RPS6KA3: variants seen among roughly 807,000 people sequenced by gnomAD.
RPS6KA3 encodes ribosomal protein S6 kinase alpha-3.
A neutral mutation model predicts 67.2 loss-of-function variants in RPS6KA3; 4 were observed. The observed-to-expected ratio is 0.06, with a 90% CI of 0.03 to 0.14. The LOEUF (loss-of-function observed/expected upper bound fraction) is 0.14. RPS6KA3 is among the 10% of genes least tolerant of loss of function. RPS6KA3 has a pLI of 1.00. For synonymous variants in RPS6KA3, 182 were observed against 183.7 expected, an observed-to-expected ratio of 0.99 and a Z score of 0.07; for missense variants, 204 against 559.0, an observed-to-expected ratio of 0.36 and a Z score of 6.40.
chrX:20,244,264 C>T (rs906744303), intron 1 of RPS6KA3, among the ~76,000 whole-genome samples: 1 of 111,613 alleles, frequency 9.0e-6, no homozygotes, highest in African/African-American at 3.3e-5. Flanking sequence ...CCTGGCCTCA[C>T]GCAATCCTCC....
chrX:20,207,086 T>C (rs1212817747), intron 3 of RPS6KA3, among the ~76,000 whole-genome samples: 1 of 111,964 alleles, frequency 8.9e-6, no homozygotes, highest in African/African-American at 3.2e-5. Context: ...ATGCTGGCTA[T>C]CATGTAAATA....
At chrX:20,237,453 C>G (rs1171095595) in intron 1 of RPS6KA3, among the ~76,000 whole-genome samples, 1 of 111,811 alleles carries the variant, frequency 8.9e-6, no homozygotes, top group Non-Finnish European at 1.9e-5. Context: ...TTATAACTTA[C>G]TTTTAAAGAA....
At position 20,213,825 on chromosome X, in the gene RPS6KA3, T is replaced by A. The variant is rs977973284; in HGVS notation, c.127-4421A>T. ...GCCTGATTCTAAAGTTGAAAGCCTA[T>A]AGACAACAGCATCCACATTATCATG... On this transcript the variant is annotated intron_variant, in intron 2 of 21. Coordinates refer to ENST00000379565, the MANE Select transcript of RPS6KA3 (RefSeq NM_004586.3). Among the ~76,000 whole-genome samples the A allele has an allele frequency of 5.4e-5, 6 of 110,771 alleles. No individual in the cohort carries two copies. The Admixed American group carries it at 5.8e-4, about 11-fold the overall frequency.
intron 6 of RPS6KA3, 81 bp downstream of exon 6, chrX:20,194,108 A>G: frequency 3.3e-6 from 2 of 610,143 alleles, no homozygotes; most frequent in Non-Finnish European, 5.4e-6. Flanking sequence ...AAATACAGTA[A>G]GCATAATACT....
In RPS6KA3 at chrX:20,154,965, C is replaced by T. The variant is rs2148621633; in HGVS notation, c.*433G>A. 1 of 196,846 alleles carries T rather than the reference C, an allele frequency of 5.1e-6. No individual in the cohort carries two copies. The highest frequency in any genetic ancestry group is 9.5e-6 in the Non-Finnish European group (1 of 105,437). The allele number at this position is 196,846 out of a possible 1,213,427, so 16.2% of individuals were successfully genotyped here. A position where few individuals can be genotyped will look rare whatever the true frequency, so the allele number is the denominator to read the frequency against. ...AAAACATACAAAATGTTGGATGGCA[C>T]AAGGGATACAGTGCTAATATAAACG... On this transcript the variant is annotated 3_prime_UTR_variant, in exon 22 of 22. Coordinates refer to ENST00000379565, the MANE Select transcript of RPS6KA3 (RefSeq NM_004586.3).
In RPS6KA3 at chrX:20,165,724, C is replaced by A. The variant is rs200017397; in HGVS notation, c.1603-664G>T. Among the ~76,000 whole-genome samples, 11 of 111,844 alleles carry A rather than the reference C, an allele frequency of 9.8e-5. No homozygotes were observed. In the East Asian group the frequency reaches 2.2e-3, roughly 23 times the overall value. On this transcript the variant is annotated intron_variant, in intron 17 of 21. Coordinates refer to ENST00000379565, the MANE Select transcript of RPS6KA3 (RefSeq NM_004586.3). ...GCATTGAGGAGTAAAAAGGAAAAAA[C>A]CAAAACAAATCTGGACTTTATTTTT...
At chrX:20,230,653 T>C (rs926977991) in intron 2 of RPS6KA3, among the ~76,000 whole-genome samples, 4 of 111,348 alleles carry the variant, frequency 3.6e-5, no homozygotes, top group African/African-American at 1.3e-4. Context: ...GGTCATGTTA[T>C]GGAGGTTGGG....
chrX:20,158,036 G>T (rs766459915), intron 20 of RPS6KA3, among the ~76,000 whole-genome samples: 11 of 110,554 alleles, frequency 9.9e-5, no homozygotes, highest in Non-Finnish European at 1.9e-4. Context: ...CATTCACTGA[G>T]TGTGGAGGAA....
At chrX:20,224,409 A>T (rs1474954080) in intron 2 of RPS6KA3, among the ~76,000 whole-genome samples, 1 of 110,755 alleles carries the variant, frequency 9.0e-6, no homozygotes, top group Admixed American at 9.6e-5. Context: ...CCATGATAAA[A>T]CCCAATTATT....
At chrX:20,246,122 G>GAAAAAAAAAAAAAAAAA (rs5901672) in intron 1 of RPS6KA3, among the ~76,000 whole-genome samples, 1 of 52,849 alleles carries the variant, frequency 1.9e-5, no homozygotes, top group Non-Finnish European at 3.8e-5. Context: ...TCTCGGAAAA[G>GAAAAAAAAAAAAAAAAA]AAAAAAAAAA....
At chrX:20,175,671 G>C (rs1744013222) in intron 13 of RPS6KA3, among the ~76,000 whole-genome samples, 1 of 111,285 alleles carries the variant, frequency 9.0e-6, no homozygotes, top group African/African-American at 3.3e-5. Context: ...CATTTGAAAC[G>C]TGCCTAGCGT....
At chrX:20,165,563 T>A (rs2067413482) in intron 17 of RPS6KA3, among the ~76,000 whole-genome samples, 1 of 111,089 alleles carries the variant, frequency 9.0e-6, no homozygotes, top group Non-Finnish European at 1.9e-5. Context: ...TTAGGTAACA[T>A]CTGATCCAAT....
At chrX:20,248,218 T>C (rs1386260501) in intron 1 of RPS6KA3, among the ~76,000 whole-genome samples, 1 of 112,424 alleles carries the variant, frequency 8.9e-6, no homozygotes, top group Non-Finnish European at 1.9e-5. Context: ...TTATATCATA[T>C]ATGAATAATC....
intron 10 of RPS6KA3, among the ~76,000 whole-genome samples, chrX:20,180,030 A>C (rs1452442144): frequency 9.0e-6 from 1 of 111,184 alleles, no homozygotes; most frequent in Non-Finnish European, 1.9e-5. Context: ...TTGATGTTGC[A>C]GTGAGCTGTA....
chrX:20,208,414 G>C (rs2068625369), intron 3 of RPS6KA3, among the ~76,000 whole-genome samples: 1 of 111,479 alleles, frequency 9.0e-6, no homozygotes, highest in South Asian at 3.8e-4. Flanking sequence ...GAAAAACACT[G>C]ATAAAGATGT....
intron 20 of RPS6KA3, among the ~76,000 whole-genome samples, chrX:20,160,805 G>A (rs1381886178): frequency 8.9e-6 from 1 of 111,960 alleles, no homozygotes; most frequent in South Asian, 3.7e-4. Context: ...GAGGCTTCAG[G>A]CCCTAGGCCA....
At chrX:20,192,634 C>G (rs1357292462) in intron 7 of RPS6KA3, among the ~76,000 whole-genome samples, 2 of 76,972 alleles carry the variant, frequency 2.6e-5, no homozygotes, top group Admixed American at 1.8e-4. Context: ...GGGTCTCACT[C>G]TGTTGCCCAG....
intron 2 of RPS6KA3, among the ~76,000 whole-genome samples, chrX:20,209,816 T>C (rs1336232340): frequency 2.7e-5 from 3 of 112,274 alleles, no homozygotes; most frequent in African/African-American, 9.7e-5. Context: ...ATGGTTATGC[T>C]ACGCAGAACT....
intron 3 of RPS6KA3, among the ~76,000 whole-genome samples, chrX:20,204,698 C>T (rs1258055974): frequency 3.6e-5 from 4 of 111,637 alleles, no homozygotes; most frequent in Non-Finnish European, 7.5e-5. Flanking sequence ...GTCAGGAGTT[C>T]GAGACCAGCC....
Sources: gnomAD v4.1 joint callset for allele counts (sites outside exome capture counted in the v4.1 genomes callset) on GRCh38, gnomAD v4.1.1 for gene constraint, MANE v1.5 for transcripts, NCBI Gene and HGNC (gene_info 2026-07-23, HGNC 2026-07-21) for gene names.